The following LHFPL3 variants were observed in gnomAD, a reference collection of about 807,000 sequenced individuals.
LHFPL3 encodes LHFPL tetraspan subfamily member 3 protein.
Under a neutral mutation model 19.3 loss-of-function variants are expected in LHFPL3, and 5 were observed. The ratio of observed to expected loss-of-function variants is 0.26; its 90% CI spans 0.14 to 0.54. The LOEUF (loss-of-function observed/expected upper bound fraction) is 0.54, where lower values mean the gene tolerates loss of function less well. Ranked by LOEUF, LHFPL3 falls within the 20% of genes least tolerant of loss-of-function variation. The probability of loss-of-function intolerance (pLI) is 0.94; values close to 1 mark genes in which losing one functional copy is unlikely to be tolerated. For missense variants in LHFPL3, 249 were observed against 307.4 expected, an observed-to-expected ratio of 0.81 and a Z score of 1.42; for synonymous variants, 133 against 126.2, an observed-to-expected ratio of 1.05 and a Z score of -0.36.
At chr7:104,766,286 A>G (rs546139619) in intron 2 of LHFPL3, among the ~76,000 whole-genome samples, 1 of 152,210 alleles carries the variant, frequency 6.6e-6, no homozygotes, top group Non-Finnish European at 1.5e-5. Flanking sequence ...ATGCCATGGG[A>G]GCAAGGCTTT....
chr7:104,523,752 A>G (rs949567986), intron 1 of LHFPL3, among the ~76,000 whole-genome samples: 1 of 152,232 alleles, frequency 6.6e-6, no homozygotes, highest in African/African-American at 2.4e-5. Context: ...CAGCAACACA[A>G]TAAAAGTCCA....
intron 2 of LHFPL3, among the ~76,000 whole-genome samples, chr7:104,867,845 C>G (rs1259485691): frequency 1.3e-5 from 2 of 152,190 alleles, no homozygotes; most frequent in Non-Finnish European, 2.9e-5. Flanking sequence ...TACTGGCAAA[C>G]TGAATCCAGC....
intron 2 of LHFPL3, among the ~76,000 whole-genome samples, chr7:104,851,721 A>C (rs1349444631): frequency 6.6e-6 from 1 of 152,064 alleles, no homozygotes; most frequent in Non-Finnish European, 1.5e-5. Context: ...CTTTGGATGT[A>C]CCCCAAGAGA....
At chr7:104,529,705 G>A (rs950823829) in intron 1 of LHFPL3, among the ~76,000 whole-genome samples, 7 of 152,132 alleles carry the variant, frequency 4.6e-5, no homozygotes, top group African/African-American at 1.7e-4. Flanking sequence ...CTAATTGAAG[G>A]GGTGTCAGGA....
At chr7:104,467,713 G>A (rs1792821147) in intron 1 of LHFPL3, among the ~76,000 whole-genome samples, 1 of 152,166 alleles carries the variant, frequency 6.6e-6, no homozygotes, top group Non-Finnish European at 1.5e-5. Context: ...ACTCGGACAG[G>A]ATTATATTTG....
chr7:104,785,428 T>C (rs1421155578), intron 2 of LHFPL3: 1 of 152,230 alleles, frequency 6.6e-6, no homozygotes, highest in Admixed American at 6.5e-5. Flanking sequence ...TATCTAGAAC[T>C]CTAGCCCCAA....
intron 2 of LHFPL3, among the ~76,000 whole-genome samples, chr7:104,822,553 T>C (rs771093064): frequency 1.1e-4 from 16 of 152,140 alleles, no homozygotes; most frequent in Non-Finnish European, 1.9e-4. Flanking sequence ...CACCACTCAG[T>C]TGAAACAACC....
intron 1 of LHFPL3, among the ~76,000 whole-genome samples, chr7:104,329,541 T>G (rs1801531567): frequency 1.3e-5 from 2 of 152,178 alleles, no homozygotes. Flanking sequence ...GGTGGAGAAG[T>G]GGCCGCTTAG....
At chr7:104,491,041 G>A (rs1793335786) in intron 1 of LHFPL3, among the ~76,000 whole-genome samples, 1 of 152,074 alleles carries the variant, frequency 6.6e-6, no homozygotes, top group South Asian at 2.1e-4. Flanking sequence ...AAGGGTGCAG[G>A]GTTTACTCCT....
At chr7:104,878,451 G>A (rs1001999491) in intron 2 of LHFPL3, among the ~76,000 whole-genome samples, 1 of 152,020 alleles carries the variant, frequency 6.6e-6, no homozygotes, top group Non-Finnish European at 1.5e-5. Flanking sequence ...GATCTTTGAT[G>A]TTACTATTGT....
At chr7:104,711,269 T>C (rs1793296284) in intron 1 of LHFPL3, among the ~76,000 whole-genome samples, 1 of 152,212 alleles carries the variant, frequency 6.6e-6, no homozygotes, top group African/African-American at 2.4e-5. Context: ...GCTATTGAGA[T>C]GCCAGCTGCA....
chr7:104,674,196 C>T (rs1005816460), intron 1 of LHFPL3, among the ~76,000 whole-genome samples: 2 of 151,426 alleles, frequency 1.3e-5, no homozygotes, highest in Non-Finnish European at 2.9e-5. Flanking sequence ...TCTTCATCCT[C>T]CTCTGGTCAG....
chr7:104,834,457 C>T (rs1791052765), intron 2 of LHFPL3, among the ~76,000 whole-genome samples: 1 of 152,020 alleles, frequency 6.6e-6, no homozygotes, highest in Admixed American at 6.5e-5. Context: ...ATCACCAGTG[C>T]TTTTGCCTTC....
intron 1 of LHFPL3, among the ~76,000 whole-genome samples, chr7:104,641,871 C>T (rs1205650965): frequency 1.3e-5 from 2 of 151,974 alleles, no homozygotes; most frequent in African/African-American, 4.8e-5. Context: ...AGGTGATTAC[C>T]GAAGAAAATG....
intron 1 of LHFPL3, among the ~76,000 whole-genome samples, chr7:104,699,854 G>T (rs1008503359): frequency 6.6e-6 from 1 of 152,110 alleles, no homozygotes; most frequent in East Asian, 1.9e-4. Context: ...AGGAAGCTCC[G>T]TCCATACTGC....
intron 2 of LHFPL3, chr7:104,894,666 A>T (rs1426589329): frequency 6.6e-6 from 1 of 152,234 alleles, no homozygotes; most frequent in East Asian, 1.9e-4. Flanking sequence ...TGTTGAAATA[A>T]GAAAAACTTC....
At chr7:104,640,644 G>A (rs1309233491) in intron 1 of LHFPL3, among the ~76,000 whole-genome samples, 9 of 152,108 alleles carry the variant, frequency 5.9e-5, no homozygotes, top group Non-Finnish European at 1.3e-4. Flanking sequence ...CCCAATCCTT[G>A]CCAGCATCTG....
At chr7:104,522,339 A>G (rs919049802) in intron 1 of LHFPL3, among the ~76,000 whole-genome samples, 3 of 141,102 alleles carry the variant, frequency 2.1e-5, no homozygotes, top group African/African-American at 8.0e-5. Context: ...TTGAACAATG[A>G]GAACACATGG....
chr7:104,443,349 A>G (rs921717216), intron 1 of LHFPL3, among the ~76,000 whole-genome samples: 5 of 152,214 alleles, frequency 3.3e-5, no homozygotes, highest in African/African-American at 1.2e-4. Flanking sequence ...AGAGGAATCC[A>G]TGACCATTAT....
Sources: gnomAD v4.1 joint callset for allele counts (sites outside exome capture counted in the v4.1 genomes callset) on GRCh38, gnomAD v4.1.1 for gene constraint, MANE v1.5 for transcripts, NCBI Gene and HGNC (gene_info 2026-07-23, HGNC 2026-07-21) for gene names.